ADAMTS16: variants seen among roughly 807,000 people sequenced by gnomAD.
The protein encoded by ADAMTS16 is A disintegrin and metalloproteinase with thrombospondin motifs 16.
ADAMTS16 carries 94 observed loss-of-function variants against 145.8 expected under a neutral mutation model. The ratio of observed to expected loss-of-function variants is 0.64; its 90% CI spans 0.55 to 0.77. The LOEUF (loss-of-function observed/expected upper bound fraction) is 0.77. Ranked by LOEUF, ADAMTS16 falls within the 30% of genes least tolerant of loss-of-function variation. ADAMTS16 has a pLI of 0.00. For missense variants in ADAMTS16, 1,585 were observed against 1,591.5 expected, an observed-to-expected ratio of 1.00 and a Z score of 0.07; for synonymous variants, 659 against 604.3, an observed-to-expected ratio of 1.09 and a Z score of -1.33.
chr5:5,252,819 G>A (rs923859119), intron 17 of ADAMTS16, among the ~76,000 whole-genome samples: 2 of 152,148 alleles, frequency 1.3e-5, no homozygotes, highest in African/African-American at 2.4e-5. Flanking sequence ...CCATATGTAA[G>A]CATCAGCTTG....
intron 3 of ADAMTS16, among the ~76,000 whole-genome samples, chr5:5,155,278 C>T (rs927179620): frequency 6.6e-6 from 1 of 152,066 alleles, no homozygotes; most frequent in African/African-American, 2.4e-5. Context: ...CCTTGGCCCA[C>T]CCATCTAAAC....
intron 21 of ADAMTS16, 59 bp downstream of exon 21, chr5:5,306,787 C>T (rs941943343): frequency 2.2e-5 from 32 of 1,460,462 alleles, no homozygotes; most frequent in East Asian, 9.9e-5. Context: ...TGGGGTTGGC[C>T]GCTGGCTCCC....
In ADAMTS16 at chr5:5,319,283, G is replaced by A. The variant is rs1332633683; in HGVS notation, c.*145G>A. 2 of 653,608 alleles carry A rather than the reference G, an allele frequency of 3.1e-6. No homozygotes were observed. Among genetic ancestry groups the A allele is most frequent in the Non-Finnish European group, 5.4e-6 (2 of 369,274 alleles). 40.5% of individuals were successfully genotyped at this position (653,608 alleles called of 1,614,324 possible). A position where few individuals can be genotyped will look rare whatever the true frequency, so the allele number is the denominator to read the frequency against. On this transcript the variant is annotated 3_prime_UTR_variant, in exon 23 of 23. Transcript: ENST00000274181. Reference sequence around the variant, plus strand: ...CGTGTTAGGCTCTTTGACCAGGAGTGTATGTATGTGTTTCACTGTGAGCCT... The same window carrying A: ...CGTGTTAGGCTCTTTGACCAGGAGTATATGTATGTGTTTCACTGTGAGCCT...
chr5:5,160,740 C>T (rs1734719470), intron 3 of ADAMTS16, among the ~76,000 whole-genome samples: 1 of 135,786 alleles, frequency 7.4e-6, no homozygotes, highest in African/African-American at 2.8e-5. Context: ...TAAAACTTTA[C>T]AAACTTAAAA....
Position 5,237,004 on chromosome 5 carries a change from G to T in ADAMTS16, c.2059G>T (p.Gly687Ter). Residue 687 changes from glycine (G) to a stop codon, truncating the protein, a stop_gained, in exon 14 of 23, where the codon GGA becomes TGA. Coordinates refer to ENST00000274181, the MANE Select transcript of ADAMTS16 (RefSeq NM_139056.4). LOFTEE classifies it high-confidence loss of function. ...ATGCAAACTCTACTGTATCGCAGAA[G>T]GATTTGATTTCTTCTTTTCTTTGTC... ...DLCKLYCIAE[G>*]FDFFFSLSNK... 6.2e-7 allele frequency: 1 copy of T among 1,613,886 alleles called. No homozygotes were observed. Among genetic ancestry groups the T allele is most frequent in the South Asian group, 1.1e-5 (1 of 91,060 alleles).
chr5:5,258,491 T>C (rs1737874944), intron 17 of ADAMTS16, among the ~76,000 whole-genome samples: 1 of 152,220 alleles, frequency 6.6e-6, no homozygotes, highest in Non-Finnish European at 1.5e-5. Flanking sequence ...CACTCCGTGT[T>C]TTAATGAATG....
In ADAMTS16 at chr5:5,209,857, A is replaced by C. The variant is rs540624838; in HGVS notation, c.1605+611A>C. Among the ~76,000 whole-genome samples, 4 of 152,288 alleles carry C rather than the reference A, an allele frequency of 2.6e-5. No individual in the cohort carries two copies. In the East Asian group the frequency reaches 5.8e-4, roughly 22 times the overall value. ...CAAACACAGGAAAAGCTACCCATAA[A>C]TTAAATAAAAGTAACTATTTTTAAG... On this transcript the variant is annotated intron_variant, in intron 10 of 22. Transcript: ENST00000274181.
intron 3 of ADAMTS16, 86 bp downstream of exon 3, chr5:5,146,541 C>T (rs946590278): frequency 7.4e-7 from 1 of 1,352,022 alleles, no homozygotes; most frequent in Non-Finnish European, 1.0e-6. Context: ...CTCGATTTCG[C>T]ATAGATGTTC....
Position 5,258,055 on chromosome 5 carries a change from C to G in ADAMTS16, c.2663-4602C>G, listed in dbSNP as rs76595592. Among the ~76,000 whole-genome samples the G allele has an allele frequency of 7.2e-3, 1,099 of 152,260 alleles. 10 individuals are homozygous for G. Among genetic ancestry groups the G allele is most frequent in the African/African-American group, 0.025 (1,021 of 41,552 alleles). The stretch of plus-strand genomic sequence containing the variant: ...GTCCCGAGCACAGGAGCGTTTGACC[C>G]CTTGGAGTTGGGATGTGCACCCCCA... On this transcript the variant is annotated intron_variant, in intron 17 of 22. Transcript: ENST00000274181.
At chr5:5,173,761 T>C (rs541273660) in intron 3 of ADAMTS16, among the ~76,000 whole-genome samples, 1 of 152,312 alleles carries the variant, frequency 6.6e-6, no homozygotes, top group East Asian at 1.9e-4. Context: ...GATAACTCAT[T>C]ACTTTTAACT....
chr5:5,314,675 A>G (rs1210768045), intron 21 of ADAMTS16, among the ~76,000 whole-genome samples: 1 of 152,228 alleles, frequency 6.6e-6, no homozygotes, highest in Non-Finnish European at 1.5e-5. Context: ...GAAATGTGGA[A>G]GCTTTTCTCC....
intron 11 of ADAMTS16, among the ~76,000 whole-genome samples, chr5:5,225,359 T>C (rs1736730239): frequency 6.6e-6 from 1 of 152,052 alleles, no homozygotes; most frequent in Admixed American, 6.6e-5. Flanking sequence ...CTCAGCACTT[T>C]GGAAAGCTGA....
intron 4 of ADAMTS16, among the ~76,000 whole-genome samples, chr5:5,184,587 G>C (rs1322069349): frequency 6.6e-6 from 1 of 152,084 alleles, no homozygotes; most frequent in East Asian, 1.9e-4. Flanking sequence ...TTTTTCGGTG[G>C]AAAAGGGCAA....
At chr5:5,161,183 T>C (rs1291166661) in intron 3 of ADAMTS16, among the ~76,000 whole-genome samples, 2 of 152,222 alleles carry the variant, frequency 1.3e-5, no homozygotes, top group Non-Finnish European at 2.9e-5. Flanking sequence ...ATTAAGTACG[T>C]TTTGACATTG....
chr5:5,168,768 T>C (rs962129424), intron 3 of ADAMTS16, among the ~76,000 whole-genome samples: 29 of 141,412 alleles, frequency 2.1e-4, no homozygotes, highest in Non-Finnish European at 3.2e-4. Context: ...TATATTTTAT[T>C]ATATTTTATT....
intron 18 of ADAMTS16, among the ~76,000 whole-genome samples, chr5:5,294,340 AT>A (rs1423546444): frequency 6.6e-6 from 1 of 152,224 alleles, no homozygotes. Flanking sequence ...ACAAAGGAAG[AT>A]TTATTTTAAG....
rs1734121519 is a variant in ADAMTS16, at chr5:5,140,449, C to A, written c.-19C>A. The A allele has an allele frequency of 2.0e-6, 3 of 1,503,156 alleles. No homozygotes were observed. Among genetic ancestry groups the A allele is most frequent in the Non-Finnish European group, 2.6e-6 (3 of 1,134,436 alleles). The allele number at this position is 1,503,156 out of a possible 1,614,324, so 93.1% of individuals were successfully genotyped here. On this transcript the variant is annotated 5_prime_UTR_variant, in exon 1 of 23. Coordinates refer to ENST00000274181, the MANE Select transcript of ADAMTS16 (RefSeq NM_139056.4). ...CCGGGGACCCTCCGGTGGCCCCTAG[C>A]CCCTCGGAGCGCTCCTGGATGAAGC...
intron 8 of ADAMTS16, 46 bp from the exon 9 acceptor site, chr5:5,200,075 ATAATTTAAACT>A: frequency 6.6e-7 from 1 of 1,526,542 alleles, no homozygotes. Flanking sequence ...AGGGTATCAG[ATAATTTAAACT>A]GTTTTTGTTC....
intron 3 of ADAMTS16, among the ~76,000 whole-genome samples, chr5:5,175,650 C>G (rs1251881936): frequency 6.6e-6 from 1 of 152,226 alleles, no homozygotes; most frequent in East Asian, 1.9e-4. Flanking sequence ...CTTTCACCCA[C>G]AGTGGCAAGG....
Sources: allele counts gnomAD v4.1 joint callset (sites outside exome capture counted in the v4.1 genomes callset), GRCh38; gene constraint gnomAD v4.1.1; transcripts MANE v1.5; gene names NCBI Gene and HGNC (gene_info 2026-07-23, HGNC 2026-07-21).